EPB41L4A: variants seen among roughly 807,000 people sequenced by gnomAD.
EPB41L4A encodes erythrocyte membrane protein band 4.1 like 4A, also known as band 4.1-like protein 4A.
A neutral mutation model predicts 108.6 loss-of-function variants in EPB41L4A; 100 were observed. The observed-to-expected ratio is 0.92, with a 90% confidence interval of 0.78 to 1.09. EPB41L4A has a LOEUF of 1.09. Among genes scored for constraint, EPB41L4A ranks in the 50% least tolerant of loss-of-function variants. The pLI, the probability that EPB41L4A is intolerant of heterozygous loss-of-function variation, is 0.00. For synonymous variants in EPB41L4A, 319 were observed against 289.0 expected, an observed-to-expected ratio of 1.10 and a Z score of -1.05; for missense variants, 1,030 against 842.7, an observed-to-expected ratio of 1.22 and a Z score of -2.75.
At chr5:112,357,707 T>G (rs1758452375) in intron 1 of EPB41L4A, among the ~76,000 whole-genome samples, 1 of 152,220 alleles carries the variant, frequency 6.6e-6, no homozygotes, top group Admixed American at 6.5e-5. Flanking sequence ...AATTATGGCT[T>G]TACACTGAAT....
intron 2 of EPB41L4A, among the ~76,000 whole-genome samples, chr5:112,282,389 G>C (rs1753019354): frequency 1.3e-5 from 2 of 152,160 alleles, no homozygotes; most frequent in African/African-American, 4.8e-5. Context: ...AGAAAACCAA[G>C]GAAAACAAAC....
intron 10 of EPB41L4A, among the ~76,000 whole-genome samples, chr5:112,240,430 T>C (rs919861479): frequency 6.6e-6 from 1 of 152,230 alleles, no homozygotes; most frequent in Non-Finnish European, 1.5e-5. Context: ...ACATAGGTGC[T>C]AGCAATGGCT....
At chr5:112,368,252 T>C (rs1759262491) in intron 1 of EPB41L4A, among the ~76,000 whole-genome samples, 1 of 152,190 alleles carries the variant, frequency 6.6e-6, no homozygotes, top group South Asian at 2.1e-4. Flanking sequence ...CTTTGCCCCT[T>C]ACTTGTAAAA....
intron 2 of EPB41L4A, among the ~76,000 whole-genome samples, chr5:112,301,290 G>T (rs1250575778): frequency 6.6e-6 from 1 of 152,124 alleles, no homozygotes; most frequent in Non-Finnish European, 1.5e-5. Flanking sequence ...ATGTTAGATG[G>T]AAGATCTGGA....
chr5:112,198,626 ATGTT>A (rs1762077755), intron 15 of EPB41L4A, among the ~76,000 whole-genome samples: 2 of 151,944 alleles, frequency 1.3e-5, no homozygotes, highest in African/African-American at 2.4e-5. Flanking sequence ...TATTAGTTGA[ATGTT>A]TGATATCTAG....
chr5:112,419,110 G>A lies in EPB41L4A; in HGVS notation c.-71C>T, dbSNP rs943581009. On this transcript the variant is annotated 5_prime_UTR_variant, in exon 1 of 23. Coordinates refer to ENST00000261486, the MANE Select transcript of EPB41L4A (RefSeq NM_022140.5). Reference sequence around the variant, plus strand: ...GCGCCCAGCCGCCCCCTCCACTCAAGCGCGATGCATTAATTTATTGTCCGC... The same window carrying A: ...GCGCCCAGCCGCCCCCTCCACTCAAACGCGATGCATTAATTTATTGTCCGC... The A allele has an allele frequency of 2.1e-5, 24 of 1,141,694 alleles. No homozygotes were observed. Among genetic ancestry groups the A allele is most frequent in the African/African-American group, 3.1e-5 (2 of 64,836 alleles). 70.7% of individuals were successfully genotyped at this position (1,141,694 alleles called of 1,614,324 possible). A position where few individuals can be genotyped will look rare whatever the true frequency, so the allele number is the denominator to read the frequency against.
chr5:112,309,997 C>T (rs1234147833), intron 1 of EPB41L4A, among the ~76,000 whole-genome samples: 20 of 152,166 alleles, frequency 1.3e-4, no homozygotes, highest in Non-Finnish European at 5.9e-5. Flanking sequence ...TCGATTCTTC[C>T]CCATCATCCT....
chr5:112,379,788 T>G (rs374968886), intron 1 of EPB41L4A, among the ~76,000 whole-genome samples: 1 of 151,484 alleles, frequency 6.6e-6, no homozygotes, highest in Non-Finnish European at 1.5e-5. Flanking sequence ...TAACAGAGAG[T>G]TGTCAAGACA....
intron 1 of EPB41L4A, among the ~76,000 whole-genome samples, chr5:112,363,141 C>T (rs1393975851): frequency 6.6e-6 from 1 of 152,124 alleles, no homozygotes; most frequent in Non-Finnish European, 1.5e-5. Flanking sequence ...GTGAGTGGGA[C>T]ATTCAGGGGC....
intron 18 of EPB41L4A, among the ~76,000 whole-genome samples, chr5:112,183,743 T>A (rs1210634747): frequency 2.6e-5 from 4 of 152,240 alleles, no homozygotes; most frequent in Admixed American, 1.3e-4. Flanking sequence ...ACTATTCCTA[T>A]TTATTCAGGT....
chr5:112,205,461 T>G lies in EPB41L4A; in HGVS notation c.1222A>C (p.Ser408Arg). ...TCTTCCCACGGTGCATGAGATTTGC[T>G]TCTTTGGGTATCAGGGCTATTTTCA... ...KNENSPDTQR[S>R]KSHAPWEENG... Residue 408 changes from serine (S) to arginine (R), a missense_variant, in exon 14 of 23, where the codon AGC becomes CGC. Physicochemically the swap from Ser to Arg is moderately radical, Grantham distance 110 (BLOSUM62 -1). Transcript: ENST00000261486. 1 of 1,613,998 alleles carries G rather than the reference T, an allele frequency of 6.2e-7. No homozygotes were observed. The highest frequency in any genetic ancestry group is 2.2e-5 in the East Asian group (1 of 44,872).
At chr5:112,220,669 A>C (rs1019499119) in intron 12 of EPB41L4A, among the ~76,000 whole-genome samples, 1 of 152,158 alleles carries the variant, frequency 6.6e-6, no homozygotes, top group African/African-American at 2.4e-5. Flanking sequence ...ACCCCAAACT[A>C]TAACACCTTG....
At chr5:112,169,392 G>C (rs1003790813) in intron 20 of EPB41L4A, among the ~76,000 whole-genome samples, 9 of 151,970 alleles carry the variant, frequency 5.9e-5, no homozygotes, top group African/African-American at 2.2e-4. Flanking sequence ...CCTTACCGTG[G>C]AATTCTTCTT....
intron 17 of EPB41L4A, among the ~76,000 whole-genome samples, chr5:112,191,468 G>A (rs1761695661): frequency 6.6e-6 from 1 of 152,110 alleles, no homozygotes; most frequent in South Asian, 2.1e-4. Flanking sequence ...TTTAATGGTT[G>A]TCAAAAGCCT....
intron 1 of EPB41L4A, among the ~76,000 whole-genome samples, chr5:112,395,001 T>G (rs1217585702): frequency 6.6e-6 from 1 of 151,384 alleles, no homozygotes; most frequent in African/African-American, 2.5e-5. Context: ...GGGAAAGGAT[T>G]CCCTATTTAA....
intron 1 of EPB41L4A, among the ~76,000 whole-genome samples, chr5:112,341,238 A>AT (rs1229316213): frequency 1.6e-4 from 24 of 152,316 alleles, no homozygotes; most frequent in African/African-American, 5.3e-4. Flanking sequence ...TTTTAATTAA[A>AT]TTGTTGAATG....
At chr5:112,374,405 T>A (rs1272287369) in intron 1 of EPB41L4A, among the ~76,000 whole-genome samples, 1 of 152,192 alleles carries the variant, frequency 6.6e-6, no homozygotes, top group Non-Finnish European at 1.5e-5. Context: ...ATATCTATAG[T>A]CAGGGGAATA....
chr5:112,245,222 C>T (rs969428001), intron 9 of EPB41L4A, among the ~76,000 whole-genome samples: 7 of 151,936 alleles, frequency 4.6e-5, no homozygotes, highest in African/African-American at 1.4e-4. Flanking sequence ...CACAATAAAC[C>T]ACAAGCTCTG....
At chr5:112,195,810 T>C (rs1207771920) in intron 15 of EPB41L4A, 102 bp from the exon 16 acceptor site, 5 of 1,011,608 alleles carry the variant, frequency 4.9e-6, no homozygotes, top group South Asian at 2.8e-5. Context: ...ATATTTGTCA[T>C]ACATTCATTC....
Sources: allele counts gnomAD v4.1 joint callset (sites outside exome capture counted in the v4.1 genomes callset), GRCh38; gene constraint gnomAD v4.1.1; transcripts MANE v1.5; gene names NCBI Gene and HGNC (gene_info 2026-07-23, HGNC 2026-07-21).